The following MSI2 variants were observed in gnomAD, a reference collection of about 807,000 sequenced individuals.
MSI2 encodes the protein musashi RNA binding protein 2.
In MSI2, 17 loss-of-function variants were observed where a neutral mutation model predicts 45.6. That is an observed-to-expected ratio of 0.37 (90% CI 0.26 to 0.56). The LOEUF is 0.56. MSI2 is among the 20% of genes least tolerant of loss of function. The pLI, the probability that MSI2 is intolerant of heterozygous loss-of-function variation, is 0.77. For synonymous variants in MSI2, 156 were observed against 158.2 expected (o/e 0.99, Z 0.11); for missense variants, 293 against 444.2 (o/e 0.66, Z 3.06).
chr17:57,413,432 C>G (rs943574309), intron 6 of MSI2, among the ~76,000 whole-genome samples: 2 of 150,170 alleles, frequency 1.3e-5, no homozygotes, highest in African/African-American at 5.1e-5. Context: ...AAGAGTTGAA[C>G]CGATGTAGGC....
intron 8 of MSI2, among the ~76,000 whole-genome samples, chr17:57,615,637 C>T (rs981368275): frequency 6.6e-6 from 1 of 152,210 alleles, no homozygotes; most frequent in Non-Finnish European, 1.5e-5. Flanking sequence ...TATTCACAGA[C>T]ACATCCAACA....
At chr17:57,381,418 C>G (rs1457673670) in intron 5 of MSI2, among the ~76,000 whole-genome samples, 1 of 152,092 alleles carries the variant, frequency 6.6e-6, no homozygotes, top group African/African-American at 2.4e-5. Context: ...TTCCTTGAAG[C>G]CTCTTCTGCT....
chr17:57,361,671 A>G (rs949103511), intron 5 of MSI2, among the ~76,000 whole-genome samples: 1 of 152,088 alleles, frequency 6.6e-6, no homozygotes, highest in African/African-American at 2.4e-5. Context: ...TTTAAGTGGA[A>G]GTGGATCATC....
chr17:57,398,589 T>C (rs1015500732), intron 5 of MSI2, among the ~76,000 whole-genome samples: 9 of 151,842 alleles, frequency 5.9e-5, no homozygotes, highest in Non-Finnish European at 1.2e-4. Context: ...GCGTGTTTGG[T>C]TCTGAGCTTG....
At position 57,592,413 on chromosome 17, in the gene MSI2, G is replaced by C. The variant is rs566864259; in HGVS notation, c.455-4455G>C. The stretch of plus-strand genomic sequence containing the variant: ...GCTAATGCATCTGTGAAGTAAAAAT[G>C]ATTATATGTTAAGGAATAACACTTA... On this transcript the variant is annotated intron_variant, in intron 7 of 13. Transcript: ENST00000284073. Among the ~76,000 whole-genome samples the C allele has an allele frequency of 5.3e-5, 8 of 152,230 alleles. No homozygotes were observed. In the South Asian group the frequency reaches 1.7e-3, roughly 32 times the overall value.
chr17:57,446,182 C>T (rs997546634), intron 6 of MSI2, among the ~76,000 whole-genome samples: 2 of 152,110 alleles, frequency 1.3e-5, no homozygotes, highest in Admixed American at 1.3e-4. Flanking sequence ...TCGATTTAGG[C>T]ATAGCCTTCA....
At chr17:57,284,598 T>C (rs1909708315) in intron 5 of MSI2, among the ~76,000 whole-genome samples, 2 of 152,196 alleles carry the variant, frequency 1.3e-5, no homozygotes, top group South Asian at 4.1e-4. Flanking sequence ...CGTAAAACAC[T>C]CTGACCCCAA....
At chr17:57,579,456 C>T (rs1370916050) in intron 7 of MSI2, among the ~76,000 whole-genome samples, 1 of 152,196 alleles carries the variant, frequency 6.6e-6, no homozygotes, top group Non-Finnish European at 1.5e-5. Flanking sequence ...TGCCCTGTGG[C>T]CTGCTCTGAG....
intron 5 of MSI2, among the ~76,000 whole-genome samples, chr17:57,300,823 A>C (rs1911359930): frequency 6.6e-6 from 1 of 152,224 alleles, no homozygotes; most frequent in Admixed American, 6.5e-5. Flanking sequence ...TGTGAGACTT[A>C]TTCACTACCA....
chr17:57,622,401 C>T (rs868516147), intron 9 of MSI2, among the ~76,000 whole-genome samples: 23 of 152,218 alleles, frequency 1.5e-4, no homozygotes, highest in South Asian at 2.1e-4. Context: ...CACATAATCC[C>T]ACTGCCTTTA....
intron 5 of MSI2, among the ~76,000 whole-genome samples, chr17:57,367,735 T>G (rs1917297906): frequency 6.6e-6 from 1 of 152,214 alleles, no homozygotes; most frequent in African/African-American, 2.4e-5. Flanking sequence ...TCATGAGTGC[T>G]CATCCCCCGA....
intron 6 of MSI2, among the ~76,000 whole-genome samples, chr17:57,417,349 C>T (rs2084313759): frequency 6.6e-6 from 1 of 152,172 alleles, no homozygotes. Flanking sequence ...TGGAAAGAAC[C>T]ACATGGAGAG....
Position 57,393,316 on chromosome 17 carries a change from A to G in MSI2, c.313-8063A>G, listed in dbSNP as rs1040339408. 6.6e-5 allele frequency among the ~76,000 whole-genome samples: 10 copies of G among 152,222 alleles called. No homozygotes were observed. In the East Asian group the frequency reaches 1.9e-3, roughly 29 times the overall value. On this transcript the variant is annotated intron_variant, in intron 5 of 13. Coordinates refer to ENST00000284073, the MANE Select transcript of MSI2 (RefSeq NM_138962.4). ...TGCAAATATCCCAAAATCCAAAAAC[A>G]TTTGAAATCTGAAACACTTCCGGTT...
At chr17:57,675,501 G>T (rs73994139) in intron 12 of MSI2, among the ~76,000 whole-genome samples, 6 of 152,198 alleles carry the variant, frequency 3.9e-5, no homozygotes, top group Non-Finnish European at 8.8e-5. Context: ...AGTGTCCCAC[G>T]CTGGCACGTA....
intron 9 of MSI2, chr17:57,625,934 C>G (rs900527958): frequency 3.3e-5 from 5 of 152,354 alleles, no homozygotes; most frequent in African/African-American, 1.2e-4. Context: ...GATTCTGCTA[C>G]TGACACCAGA....
At chr17:57,485,275 G>A (rs889237394) in intron 6 of MSI2, among the ~76,000 whole-genome samples, 1 of 152,170 alleles carries the variant, frequency 6.6e-6, no homozygotes, top group Non-Finnish European at 1.5e-5. Flanking sequence ...CGAGGAACAG[G>A]GACTCTGCCC....
In MSI2 at chr17:57,441,613, C is replaced by T. The variant is rs550137865; in HGVS notation, c.405+40142C>T. Among the ~76,000 whole-genome samples, 38 of 152,228 alleles carry T rather than the reference C, an allele frequency of 2.5e-4. 1 individual carries two copies. In the South Asian group the frequency reaches 7.9e-3, roughly 32 times the overall value. On this transcript the variant is annotated intron_variant, in intron 6 of 13. Coordinates refer to ENST00000284073, the MANE Select transcript of MSI2 (RefSeq NM_138962.4). ...AGACAGGACCCTATAAGACAAAGTC[C>T]CTCTGTGAGGTCCAGCACAGAAGGC...
intron 6 of MSI2, among the ~76,000 whole-genome samples, chr17:57,419,480 A>C (rs1466738964): frequency 6.6e-6 from 1 of 151,392 alleles, no homozygotes; most frequent in East Asian, 1.9e-4. Flanking sequence ...CTCCTGCCTC[A>C]GCCTCCCGAG....
intron 9 of MSI2, chr17:57,616,333 G>C: frequency 2.9e-6 from 1 of 348,444 alleles, no homozygotes; most frequent in Non-Finnish European, 5.2e-6. Context: ...CCCATGCCTG[G>C]CTTATAGGAT....
Sources: gnomAD v4.1 joint callset for allele counts (sites outside exome capture counted in the v4.1 genomes callset) on GRCh38, gnomAD v4.1.1 for gene constraint, MANE v1.5 for transcripts, NCBI Gene and HGNC (gene_info 2026-07-23, HGNC 2026-07-21) for gene names.